The following GASK1A variants were observed in gnomAD, a reference collection of about 807,000 sequenced individuals.
The protein encoded by GASK1A is golgi associated kinase 1A.
GASK1A carries 40 observed loss-of-function variants against 41.2 expected under a neutral mutation model. That is an observed-to-expected ratio of 0.97 (90% confidence interval 0.75 to 1.27). The LOEUF is 1.27. GASK1A is among the 50% of genes most tolerant of loss of function. The pLI is 0.00. For synonymous variants in GASK1A, 316 were observed against 307.1 expected (o/e 1.03, Z -0.30); for missense variants, 678 against 745.1 (o/e 0.91, Z 1.05).
rs1369219828 is a variant in GASK1A at position 43,056,350 on chromosome 3, G to A, written c.1692G>A (p.Lys564=). 7.1e-6 allele frequency: 11 copies of A among 1,549,654 alleles called. No individual in the cohort carries two copies. Among genetic ancestry groups the A allele is most frequent in the Non-Finnish European group, 9.6e-6 (11 of 1,146,944 alleles). The change falls in exon 5 of 5, where the codon AAG becomes AAA. Residue 564 remains lysine (K), a synonymous_variant. Transcript: ENST00000430121. The part of the protein sequence containing the change: ...RGQVLLGHIQ[K]HNLTLFRDED... ...AGGTGCTGCTGGGACACATCCAAAA[G>A]CACAACCTCACACTCTTCAGGGACG...
chr3:43,029,916 A>T (rs1012014207), intron 1 of GASK1A, among the ~76,000 whole-genome samples: 1 of 152,200 alleles, frequency 6.6e-6, no homozygotes, highest in African/African-American at 2.4e-5. Flanking sequence ...TAGGAAATTC[A>T]TGAGGGGCGG....
At position 42,984,706 on chromosome 3, in the gene GASK1A, G is replaced by A. The variant is rs2089299734; in HGVS notation, c.3+5061G>A. Among the ~76,000 whole-genome samples, 1 of 152,220 alleles carries A rather than the reference G, an allele frequency of 6.6e-6. No homozygotes were observed. The highest frequency in any genetic ancestry group is 6.5e-5 in the Admixed American group (1 of 15,282). ...CTTTATTCTAAAGCTTAGCTTAGGG[G>A]AAGAGGTACAGGCTCCTGCCTTTAA... On this transcript the variant is annotated intron_variant, in intron 1 of 4. Transcript: ENST00000430121. This position sits in a 1 kb window ranked among gnomAD's most constrained non-coding sequence, Gnocchi z 4.2.
chr3:43,037,449 T>G, intron 2 of GASK1A: 1 of 769,596 alleles, frequency 1.3e-6, no homozygotes, highest in Non-Finnish European at 2.2e-6. Flanking sequence ...TAAAGAAGAG[T>G]AAACTTACTT....
chr3:43,033,002 C>G lies in GASK1A; in HGVS notation c.739C>G (p.Leu247Val). Residue 247 changes from leucine to valine, a missense_variant, in exon 2 of 5, where the codon CTG (leucine) becomes GTG (valine). Coordinates refer to ENST00000430121, the MANE Select transcript of GASK1A (RefSeq NM_001129908.3). ...GTCAGTATGGTGTGATGCTGAGACG[C>G]TGTTGAGCAGCTCGAGGACTGGTGG... ...QGSVWCDAETLLSSSRTGGQA... is the reference protein window; with the variant it reads ...QGSVWCDAETVLSSSRTGGQA... 6.4e-7 allele frequency: 1 copy of G among 1,551,716 alleles called. No homozygotes were observed. The highest frequency in any genetic ancestry group is 8.7e-7 in the Non-Finnish European group (1 of 1,146,982).
rs373989344 is a variant in GASK1A, at chr3:43,041,887, G to T, written c.1290+8334G>T. Among the ~76,000 whole-genome samples, 29 of 152,238 alleles carry T rather than the reference G, an allele frequency of 1.9e-4. No individual in the cohort carries two copies. The East Asian group carries it at 5.0e-3, about 26-fold the overall frequency. ...TAAGATTTTTTCAGGCCAGGTGCAG[G>T]GGCTCATGCCTGTAATCCCAGCACT... On this transcript the variant is annotated intron_variant, in intron 2 of 4. Transcript: ENST00000430121.
chr3:42,988,006 A>AAAAAAAAAAAAG (rs1334543219), intron 1 of GASK1A, among the ~76,000 whole-genome samples: 4 of 151,364 alleles, frequency 2.6e-5, no homozygotes, highest in Non-Finnish European at 5.9e-5. Context: ...CTCAAAAAAA[A>AAAAAAAAAAAAG]AAAGGGATGG....
In GASK1A at chr3:43,053,704, G is replaced by T. The variant is rs762092795; in HGVS notation, c.1413+61G>T. The T allele has an allele frequency of 9.8e-6, 15 of 1,538,290 alleles. No homozygotes were observed. The South Asian group carries it at 1.8e-4, about 18-fold the overall frequency. On this transcript the variant is annotated intron_variant, in intron 3 of 4. Coordinates refer to ENST00000430121, the MANE Select transcript of GASK1A (RefSeq NM_001129908.3). ...GACCCAGGTCTTTCTGTGTCCTTCA[G>T]AAGATGCTGTTAACAAGTTTCAGAG...
intron 1 of GASK1A, among the ~76,000 whole-genome samples, chr3:43,030,561 A>G (rs887967885): frequency 1.3e-5 from 2 of 152,200 alleles, no homozygotes; most frequent in Admixed American, 6.5e-5. Flanking sequence ...TGGTTTGTCT[A>G]TGCAACGGTT....
At chr3:43,010,689 C>A (rs549581475) in intron 1 of GASK1A, among the ~76,000 whole-genome samples, 1 of 152,310 alleles carries the variant, frequency 6.6e-6, no homozygotes, top group Admixed American at 6.5e-5. Context: ...CTCCCCACAC[C>A]CATCCCAACT....
intron 1 of GASK1A, among the ~76,000 whole-genome samples, chr3:43,027,372 C>A (rs554130971): frequency 6.6e-6 from 1 of 152,142 alleles, no homozygotes; most frequent in South Asian, 2.1e-4. Flanking sequence ...CAAATATAAA[C>A]AATTGGATGG....
At chr3:43,029,551 C>T (rs1039089650) in intron 1 of GASK1A, among the ~76,000 whole-genome samples, 4 of 152,042 alleles carry the variant, frequency 2.6e-5, no homozygotes, top group African/African-American at 9.7e-5. Flanking sequence ...CAACCCAACC[C>T]CTTGTAGATG....
chr3:43,019,471 G>A (rs1575443631), intron 1 of GASK1A, among the ~76,000 whole-genome samples: 1 of 152,332 alleles, frequency 6.6e-6, no homozygotes, highest in East Asian at 1.9e-4. Context: ...GTTGCCTGCT[G>A]AGTTCCTCCT....
chr3:42,982,756 C>T (rs2089288911), intron 1 of GASK1A, among the ~76,000 whole-genome samples: 1 of 152,212 alleles, frequency 6.6e-6, no homozygotes, highest in African/African-American at 2.4e-5. Flanking sequence ...TATCCAAGCT[C>T]TTACTGTAAC....
chr3:42,981,449 C>A (rs563004464), intron 1 of GASK1A, among the ~76,000 whole-genome samples: 1 of 152,234 alleles, frequency 6.6e-6, no homozygotes, highest in African/African-American at 2.4e-5. Context: ...ATTCAAGGTG[C>A]CATTTAGCTC....
chr3:43,000,838 G>A (rs898385139), intron 1 of GASK1A, among the ~76,000 whole-genome samples: 5 of 152,206 alleles, frequency 3.3e-5, no homozygotes, highest in South Asian at 4.1e-4. Context: ...AGTGGGGCAC[G>A]GAGGACAGTG....
At chr3:43,042,701 T>G (rs2089643738) in intron 2 of GASK1A, among the ~76,000 whole-genome samples, 4 of 152,172 alleles carry the variant, frequency 2.6e-5, no homozygotes, top group Admixed American at 2.6e-4. Flanking sequence ...TGCTGGGTTT[T>G]GCGTTGATGT....
intron 1 of GASK1A, among the ~76,000 whole-genome samples, chr3:43,002,921 C>T (rs1311042609): frequency 1.3e-5 from 2 of 152,194 alleles, no homozygotes; most frequent in Non-Finnish European, 2.9e-5. Flanking sequence ...ACAATTCCCA[C>T]CTTCCTTGTT....
In GASK1A at chr3:43,056,262, G is replaced by C; in HGVS notation, c.1604G>C (p.Trp535Ser). Residue 535 changes from tryptophan to serine, a missense_variant, in exon 5 of 5, where the codon TGG becomes TCG. Trp to Ser is a radical substitution (Grantham distance 177, BLOSUM62 -3). Coordinates refer to ENST00000430121, the MANE Select transcript of GASK1A (RefSeq NM_001129908.3). ...LKSLQMDPVF[W>S]ESQGGAQGLK... Reference sequence around the variant, plus strand: ...TCGCTGCAGATGGACCCAGTGTTCTGGGAAAGCCAAGGCGGAGCCCAGGGG... The same window carrying C: ...TCGCTGCAGATGGACCCAGTGTTCTCGGAAAGCCAAGGCGGAGCCCAGGGG... 6.4e-7 allele frequency: 1 copy of C among 1,551,730 alleles called. No individual in the cohort carries two copies. The highest frequency in any genetic ancestry group is 8.7e-7 in the Non-Finnish European group (1 of 1,146,986).
At chr3:43,044,774 A>G (rs774249062) in intron 2 of GASK1A, among the ~76,000 whole-genome samples, 6 of 152,188 alleles carry the variant, frequency 3.9e-5, no homozygotes, top group Admixed American at 6.5e-5. Context: ...ATTGTGGGAC[A>G]TCTAAATTTA....
Sources: gnomAD v4.1 joint callset for allele counts (sites outside exome capture counted in the v4.1 genomes callset) on GRCh38, gnomAD v4.1.1 for gene constraint, Gnocchi (gnomAD v3.1) non-coding constraint, MANE v1.5 for transcripts, NCBI Gene and HGNC (gene_info 2026-07-23, HGNC 2026-07-21) for gene names.